GDNF: variants seen among roughly 807,000 people sequenced by gnomAD.
GDNF encodes the protein glial cell line-derived neurotrophic factor.
GDNF carries 5 observed loss-of-function variants against 13.7 expected under a neutral mutation model. The ratio of observed to expected loss-of-function variants is 0.36; its 90% CI spans 0.19 to 0.77. GDNF has a LOEUF of 0.77. Ranked by LOEUF, GDNF falls within the 30% of genes least tolerant of loss-of-function variation. GDNF has a pLI of 0.51. For missense variants in GDNF, 246 were observed against 274.3 expected, an observed-to-expected ratio of 0.90 and a Z score of 0.73; for synonymous variants, 122 against 112.5, an observed-to-expected ratio of 1.08 and a Z score of -0.53.
chr5:37,815,570 G>C lies in GDNF; in HGVS notation c.*81C>G, dbSNP rs1036491605. On this transcript the variant is annotated 3_prime_UTR_variant, in exon 3 of 3. Coordinates refer to ENST00000326524, the MANE Select transcript of GDNF (RefSeq NM_000514.4). The surrounding 1 kb of genome is among the most constrained non-coding windows in gnomAD (Gnocchi z 5.0). Reference sequence around the variant, plus strand: ...TCCTTGGTCCTCATCTTCCATTCTGGGCAAACATTTCCTGGGAACCTTGGT... The same window carrying C: ...TCCTTGGTCCTCATCTTCCATTCTGCGCAAACATTTCCTGGGAACCTTGGT... The C allele has an allele frequency of 3.0e-6, 4 of 1,335,668 alleles. No individual in the cohort carries two copies. The highest frequency in any genetic ancestry group is 4.3e-6 in the Non-Finnish European group (4 of 931,504). The allele number at this position is 1,335,668 out of a possible 1,614,324, so 82.7% of individuals were successfully genotyped here.
chr5:37,835,649 A>G (rs1232655076), intron 1 of GDNF: 1 of 1,550,742 alleles, frequency 6.4e-7, no homozygotes, highest in African/African-American at 1.4e-5. Flanking sequence ...CTGTTAGGCA[A>G]AGACTGCATT....
At position 37,837,681 on chromosome 5, in the gene GDNF, T is replaced by C. The variant is rs1750758491; in HGVS notation, c.-27+1826A>G. 6.6e-6 allele frequency among the ~76,000 whole-genome samples: 1 copy of C among 152,194 alleles called. No homozygotes were observed. Among genetic ancestry groups the C allele is most frequent in the African/African-American group, 2.4e-5 (1 of 41,460 alleles). ...CTCTACGAGCCTCCCGAAATCCCAT[T>C]AGCCCGGGAACCTGTGGAGGTCCTT... On this transcript the variant is annotated intron_variant, in intron 1 of 2. Transcript: ENST00000326524. The surrounding 1 kb of genome is among the most constrained non-coding windows in gnomAD (Gnocchi z 6.5).
In GDNF at chr5:37,813,521, T is replaced by C. The variant is rs1019596340; in HGVS notation, c.*2130A>G. ...TTCACAATCTAGGGCATGGAGGAGG[T>C]GGCTGTTCCCGCCCCTATGCTTCCT... On this transcript the variant is annotated 3_prime_UTR_variant, in exon 3 of 3. Transcript: ENST00000326524. The C allele has an allele frequency of 1.3e-5, 2 of 148,652 alleles. No homozygotes were observed. The highest frequency in any genetic ancestry group is 3.0e-5 in the Non-Finnish European group (2 of 67,202). The allele number at this position is 148,652 out of a possible 1,614,324, so 9.2% of individuals were successfully genotyped here.
intron 2 of GDNF, among the ~76,000 whole-genome samples, chr5:37,832,234 T>A (rs1200361024): frequency 6.6e-6 from 1 of 152,244 alleles, no homozygotes; most frequent in Non-Finnish European, 1.5e-5. Flanking sequence ...GAATTTATGA[T>A]ACTTTCTATT....
At chr5:37,825,789 A>T (rs912418048) in intron 2 of GDNF, among the ~76,000 whole-genome samples, 13 of 152,310 alleles carry the variant, frequency 8.5e-5, no homozygotes, top group Admixed American at 7.8e-4. Context: ...AAGGCATGTA[A>T]GGGTCTCAGT....
intron 2 of GDNF, among the ~76,000 whole-genome samples, chr5:37,830,548 G>A (rs190854465): frequency 8.7e-4 from 132 of 152,280 alleles, no homozygotes; most frequent in African/African-American, 2.9e-3. Context: ...TCTCTCACTC[G>A]CTGTACTCTG....
chr5:37,819,343 G>A (rs1452626244), intron 2 of GDNF, among the ~76,000 whole-genome samples: 4 of 151,854 alleles, frequency 2.6e-5, no homozygotes, highest in Non-Finnish European at 5.9e-5. Context: ...CTGCAGCTTT[G>A]CAGCAGCATT....
Position 37,838,175 on chromosome 5 carries a change from C to G in GDNF, c.-27+1332G>C, listed in dbSNP as rs1242544174. ...AAGAATTTGGGACACTTCTCGCAGG[C>G]AAACTGGGAAAGCGGTCTGTTTAAA... On this transcript the variant is annotated intron_variant, in intron 1 of 2. Coordinates refer to ENST00000326524, the MANE Select transcript of GDNF (RefSeq NM_000514.4). The surrounding 1 kb of genome is among the most constrained non-coding windows in gnomAD (Gnocchi z 4.1). 6.6e-6 allele frequency among the ~76,000 whole-genome samples: 1 copy of G among 152,114 alleles called. No individual in the cohort carries two copies. The highest frequency in any genetic ancestry group is 1.5e-5 in the Non-Finnish European group (1 of 68,024).
At chr5:37,825,684 GC>G (rs1453361297) in intron 2 of GDNF, among the ~76,000 whole-genome samples, 1 of 152,200 alleles carries the variant, frequency 6.6e-6, no homozygotes, top group Non-Finnish European at 1.5e-5. Flanking sequence ...TTTCAGCGAA[GC>G]CCTGCCCCCA....
Position 37,820,180 on chromosome 5 carries a change from G to A in GDNF, c.152-4045C>T, listed in dbSNP as rs544640732. On this transcript the variant is annotated intron_variant, in intron 2 of 2. Transcript: ENST00000326524. ...TAAGTTCAATTAACAATCAACTGAA[G>A]ATTAATCAGAAATGAGGGTAAAACA... 3.9e-5 allele frequency among the ~76,000 whole-genome samples: 6 copies of A among 152,232 alleles called. No homozygotes were observed. In the East Asian group the frequency reaches 1.2e-3, roughly 29 times the overall value.
chr5:37,824,534 T>G (rs1465558117), intron 2 of GDNF: 1 of 152,242 alleles, frequency 6.6e-6, no homozygotes, highest in Non-Finnish European at 1.5e-5. Flanking sequence ...AATGTGAGTT[T>G]ATGAGAATGT....
chr5:37,820,631 A>C (rs770575628), intron 2 of GDNF, among the ~76,000 whole-genome samples: 58 of 152,296 alleles, frequency 3.8e-4, no homozygotes, highest in Non-Finnish European at 7.1e-4. Flanking sequence ...TAATAAATGT[A>C]GCATTCTGGT....
intron 1 of GDNF, 21 bp from the exon 2 acceptor site, chr5:37,834,843 T>C (rs996872877): frequency 6.2e-7 from 1 of 1,610,014 alleles, no homozygotes. Flanking sequence ...AGGCGGGAGG[T>C]GGGGGAGAGA....
chr5:37,833,297 T>C (rs1170532801), intron 2 of GDNF, among the ~76,000 whole-genome samples: 2 of 152,186 alleles, frequency 1.3e-5, no homozygotes, highest in Non-Finnish European at 2.9e-5. Context: ...AAGTTTCTGT[T>C]GGAGAAACGT....
intron 2 of GDNF, among the ~76,000 whole-genome samples, chr5:37,827,529 C>T (rs1750371062): frequency 6.6e-6 from 1 of 152,198 alleles, no homozygotes; most frequent in African/African-American, 2.4e-5. Context: ...TGTGAATAAA[C>T]CAAGAAATCC....
chr5:37,823,003 A>T (rs1014669626), intron 2 of GDNF, among the ~76,000 whole-genome samples: 16 of 152,240 alleles, frequency 1.1e-4, no homozygotes, highest in African/African-American at 3.9e-4. Flanking sequence ...TCATCAGGCT[A>T]TAACTTAGAT....
At chr5:37,820,314 T>A (rs944971391) in intron 2 of GDNF, among the ~76,000 whole-genome samples, 1 of 152,246 alleles carries the variant, frequency 6.6e-6, no homozygotes, top group Non-Finnish European at 1.5e-5. Flanking sequence ...TTTTTATTAC[T>A]AGAGTTACAA....
intron 2 of GDNF, among the ~76,000 whole-genome samples, chr5:37,825,915 G>A (rs990411392): frequency 6.6e-6 from 1 of 152,218 alleles, no homozygotes; most frequent in Non-Finnish European, 1.5e-5. Context: ...CCCCCAGTGA[G>A]TGAATTTACG....
At chr5:37,829,221 A>C (rs972387408) in intron 2 of GDNF, among the ~76,000 whole-genome samples, 2 of 152,178 alleles carry the variant, frequency 1.3e-5, no homozygotes, top group Admixed American at 1.3e-4. Context: ...CATCATGGTC[A>C]CAAATTTTCC....
Sources: allele counts gnomAD v4.1 joint callset (sites outside exome capture counted in the v4.1 genomes callset), GRCh38; gene constraint gnomAD v4.1.1; non-coding constraint Gnocchi (gnomAD v3.1); transcripts MANE v1.5; gene names NCBI Gene and HGNC (gene_info 2026-07-23, HGNC 2026-07-21).